Variants in TNMD observed in about 807,000 individuals in gnomAD.
TNMD encodes the protein tenomodulin, also known as BRICHOS domain containing 4.
Under a neutral mutation model 26.9 loss-of-function variants are expected in TNMD, and 15 were observed. The observed-to-expected ratio is 0.56, with a 90% CI of 0.37 to 0.86. TNMD has a LOEUF of 0.86. TNMD is among the 40% of genes least tolerant of loss of function. The probability of loss-of-function intolerance (pLI) is 0.00; values close to 1 mark genes in which losing one functional copy is unlikely to be tolerated. For synonymous variants in TNMD, 73 were observed against 77.0 expected, an observed-to-expected ratio of 0.95 and a Z score of 0.27; for missense variants, 222 against 242.6, an observed-to-expected ratio of 0.92 and a Z score of 0.56.
rs1239407016 is a variant in TNMD, at chrX:100,585,246, T to A, written c.64T>A (p.Ser22Thr). Residue 22 changes from serine to threonine, a missense_variant, in exon 2 of 7, where the codon TCC becomes ACC. Physicochemically the swap from Ser to Thr is moderately conservative, Grantham distance 58 (BLOSUM62 1). Transcript: ENST00000373031. The part of the protein sequence containing the change: ...CHILNAEAFK[S>T]KKICKSLKIC... ...CTTTGGTTAGGCAGAAGCTTTTAAA[T>A]CCAAGAAAATATGTAAATCACTTAA... is the stretch of plus-strand genomic sequence containing the variant. The A allele has an allele frequency of 2.5e-6, 3 of 1,208,125 alleles. No homozygotes were observed. In the African/African-American group the frequency reaches 5.3e-5, roughly 21 times the overall value.
intron 5 of TNMD, among the ~76,000 whole-genome samples, chrX:100,598,486 G>T (rs1439775201): frequency 1.8e-5 from 2 of 111,953 alleles, no homozygotes; most frequent in African/African-American, 6.5e-5. Context: ...TCTGATTTTT[G>T]ATCATTGTAC....
chrX:100,597,588 A>T lies in TNMD; in HGVS notation c.508A>T (p.Lys170Ter). The T allele has an allele frequency of 8.3e-7, 1 of 1,210,863 alleles. No individual in the cohort carries two copies. Among genetic ancestry groups the T allele is most frequent in the Non-Finnish European group, 1.1e-6 (1 of 894,708 alleles). The change falls in exon 5 of 7, where the codon AAA (lysine) becomes TAA (stop). Residue 170 changes from lysine to a stop codon, truncating the protein, a stop_gained. Coordinates refer to ENST00000373031, the MANE Select transcript of TNMD (RefSeq NM_022144.3). LOFTEE classifies it high-confidence loss of function. The stretch of plus-strand genomic sequence containing the variant: ...GCCTATTGAAAACCGAGATTTTCTT[A>T]AAAATTCCAAAATTCTGGAGATTTG... ...EKPIENRDFLKNSKILEICDN... is the reference protein window; with the variant it reads ...EKPIENRDFL
At chrX:100,597,092 C>T (rs1451969307) in intron 4 of TNMD, among the ~76,000 whole-genome samples, 1 of 112,173 alleles carries the variant, frequency 8.9e-6, no homozygotes, top group African/African-American at 3.2e-5. Context: ...GGGTCAAATC[C>T]TGCTTGCCAC....
intron 4 of TNMD, among the ~76,000 whole-genome samples, chrX:100,596,721 G>A (rs1309517399): frequency 7.2e-5 from 8 of 111,736 alleles, no homozygotes; most frequent in African/African-American, 2.6e-4. Flanking sequence ...CAAGGACAAA[G>A]GTGCTAAGAC....
chrX:100,588,157 T>A (rs1241860120), intron 2 of TNMD, among the ~76,000 whole-genome samples: 1 of 111,675 alleles, frequency 9.0e-6, no homozygotes, highest in African/African-American at 3.3e-5. Context: ...TGCCAATAAG[T>A]CCTTCTCCTC....
chrX:100,597,359 T>G, intron 4 of TNMD, 145 bp from the exon 5 acceptor site: 1 of 670,264 alleles, frequency 1.5e-6, no homozygotes, highest in East Asian at 3.5e-5. Context: ...ACCCACTGAA[T>G]GCAAGGCACA....
intron 4 of TNMD, among the ~76,000 whole-genome samples, chrX:100,595,159 T>G (rs2082949145): frequency 8.9e-6 from 1 of 112,337 alleles, no homozygotes; most frequent in African/African-American, 3.2e-5. Context: ...AAGGTCATAT[T>G]GTGACAGCAT....
At chrX:100,595,225 T>C (rs2359743) in intron 4 of TNMD, among the ~76,000 whole-genome samples, 3 of 110,495 alleles carry the variant, frequency 2.7e-5, no homozygotes, top group African/African-American at 9.9e-5. Flanking sequence ...TAGTGCTTAG[T>C]TGCCAAATCT....
In TNMD at chrX:100,586,010, C is replaced by T. The variant is rs190281865; in HGVS notation, c.180+648C>T. Among the ~76,000 whole-genome samples the T allele has an allele frequency of 4.7e-3, 523 of 112,226 alleles. 3 individuals are homozygous for T. The highest frequency in any genetic ancestry group is 0.015 in the African/African-American group (479 of 30,933). On this transcript the variant is annotated intron_variant, in intron 2 of 6. Coordinates refer to ENST00000373031, the MANE Select transcript of TNMD (RefSeq NM_022144.3). ...CAGATAACTCAGAAAGCTTCTGATA[C>T]TGGGGTCATTTGGTGAAGCTTGGCT...
intron 4 of TNMD, 62 bp from the exon 5 acceptor site, chrX:100,597,442 T>G: frequency 8.8e-7 from 1 of 1,135,223 alleles, no homozygotes; most frequent in East Asian, 3.0e-5. Flanking sequence ...CATCCCATAA[T>G]GTCTCACTTG....
At chrX:100,593,077 G>C (rs1255697149) in intron 2 of TNMD, among the ~76,000 whole-genome samples, 2 of 111,899 alleles carry the variant, frequency 1.8e-5, no homozygotes, top group Non-Finnish European at 3.8e-5. Flanking sequence ...TATGGGACTG[G>C]TCCTCTTGGT....
Position 100,599,191 on chromosome X carries a change from T to C in TNMD, c.744+9T>C, listed in dbSNP as rs775782702. ...TTCCAATAAATGACTATGTGAGTTA[T>C]GTTTATGTAAACTCTTGATAGAGGA... is the stretch of plus-strand genomic sequence containing the variant. On this transcript the variant is annotated intron_variant, in intron 6 of 6. Coordinates refer to ENST00000373031, the MANE Select transcript of TNMD (RefSeq NM_022144.3). 4 of 1,167,856 alleles carry C rather than the reference T, an allele frequency of 3.4e-6. No individual in the cohort carries two copies. Among genetic ancestry groups the C allele is most frequent in the Non-Finnish European group, 1.1e-6 (1 of 872,649 alleles).
At chrX:100,593,224 T>C (rs1021379778) in intron 2 of TNMD, 2 of 421,750 alleles carry the variant, frequency 4.7e-6, no homozygotes, top group African/African-American at 5.5e-5. Context: ...CTTGGCTCAG[T>C]TGGCTTAATT....
intron 4 of TNMD, among the ~76,000 whole-genome samples, chrX:100,596,954 A>C (rs1485231540): frequency 1.4e-4 from 16 of 112,144 alleles, no homozygotes; most frequent in African/African-American, 5.2e-4. Context: ...CCTTTAAAAC[A>C]TAAAAGGAAA....
intron 2 of TNMD, among the ~76,000 whole-genome samples, chrX:100,588,375 C>A: frequency 9.0e-6 from 1 of 111,295 alleles, no homozygotes; most frequent in Non-Finnish European, 1.9e-5. Flanking sequence ...GGACGACTAA[C>A]TCTGGGTGAG....
rs144242791 is a variant in TNMD, at chrX:100,586,262, A to G, written c.180+900A>G. ...GCCATGTTTTTCTGTTGGTGTGTGG[A>G]TTGCTGCTGAAGTTATTGTTATTAC... On this transcript the variant is annotated intron_variant, in intron 2 of 6. Transcript: ENST00000373031. 9.3e-3 allele frequency among the ~76,000 whole-genome samples: 1,045 copies of G among 112,301 alleles called. 12 individuals carry two copies. The highest frequency in any genetic ancestry group is 0.032 in the African/African-American group (985 of 30,920).
chrX:100,599,837 T>A lies in TNMD; in HGVS notation c.*120T>A. On this transcript the variant is annotated 3_prime_UTR_variant, in exon 7 of 7. Coordinates refer to ENST00000373031, the MANE Select transcript of TNMD (RefSeq NM_022144.3). ...GTAGCCAGCTCTCCAGAATTACTTGTAGGTAATTCCTCTCTTCATGTTCTA... is the reference window on the plus strand; with the variant it reads ...GTAGCCAGCTCTCCAGAATTACTTGAAGGTAATTCCTCTCTTCATGTTCTA... 1 of 590,320 alleles carries A rather than the reference T, an allele frequency of 1.7e-6. No homozygotes were observed. The highest frequency in any genetic ancestry group is 2.7e-6 in the Non-Finnish European group (1 of 373,222). 48.6% of individuals were successfully genotyped at this position (590,320 alleles called of 1,213,427 possible).
At chrX:100,597,045 T>A (rs1441530311) in intron 4 of TNMD, among the ~76,000 whole-genome samples, 3 of 112,370 alleles carry the variant, frequency 2.7e-5, no homozygotes, top group Admixed American at 1.9e-4. Context: ...ATTGAATTGA[T>A]CTCACCAGTT....
chrX:100,599,060 T>C lies in TNMD; in HGVS notation c.622T>C (p.Phe208Leu), dbSNP rs368709989. 12 of 1,205,775 alleles carry C rather than the reference T, an allele frequency of 1.0e-5. No individual in the cohort carries two copies. In the African/African-American group the frequency reaches 2.1e-4, roughly 21 times the overall value. The change falls in exon 6 of 7, where the codon TTT becomes CTT. Residue 208 changes from phenylalanine (F) to leucine (L), a missense_variant. Transcript: ENST00000373031. ...DFEEEGEDLH[F>L]PANEKKGIEQ... is the part of the protein sequence containing the mutation. ...TGAGGAGGAGGGAGAAGATCTTCAC[T>C]TTCCTGCCAACGAAAAAAAAGGGAT...
Sources: gnomAD v4.1 joint callset for allele counts (sites outside exome capture counted in the v4.1 genomes callset) on GRCh38, gnomAD v4.1.1 for gene constraint, MANE v1.5 for transcripts, NCBI Gene and HGNC (gene_info 2026-07-23, HGNC 2026-07-21) for gene names.